SLC16A7: variants seen among roughly 807,000 people sequenced by gnomAD.
The protein encoded by SLC16A7 is solute carrier family 16 member 7.
SLC16A7 carries 33 observed loss-of-function variants against 34.9 expected under a neutral mutation model. The ratio of observed to expected loss-of-function variants is 0.94; its 90% CI spans 0.72 to 1.26. SLC16A7 has a LOEUF of 1.26. SLC16A7 is among the 50% of genes most tolerant of loss of function. The probability of loss-of-function intolerance (pLI) is 0.00; values close to 1 mark genes in which losing one functional copy is unlikely to be tolerated. For synonymous variants in SLC16A7, 201 were observed against 206.6 expected (o/e 0.97, Z 0.23); for missense variants, 573 against 578.1 (o/e 0.99, Z 0.09).
At chr12:59,697,056 A>G (rs920256098) in intron 2 of SLC16A7, among the ~76,000 whole-genome samples, 1 of 151,970 alleles carries the variant, frequency 6.6e-6, no homozygotes, top group African/African-American at 2.4e-5. Flanking sequence ...GAAACTTTTG[A>G]AAGGAATGAT....
At chr12:59,735,843 C>A in intron 3 of SLC16A7, 1 of 453,198 alleles carries the variant, frequency 2.2e-6, no homozygotes, top group African/African-American at 2.1e-5. Context: ...TGAAGATTGC[C>A]ATATATTTAA....
chr12:59,635,494 CCTTTA>C (rs1460332868), intron 1 of SLC16A7, among the ~76,000 whole-genome samples: 3 of 152,010 alleles, frequency 2.0e-5, no homozygotes, highest in Non-Finnish European at 2.9e-5. Context: ...ATTAAAATAT[CCTTTA>C]CTTTACTAAT....
At chr12:59,769,137 T>C (rs1015384727) in intron 3 of SLC16A7, 2 of 152,174 alleles carry the variant, frequency 1.3e-5, no homozygotes, top group African/African-American at 4.8e-5. Context: ...AGATGATCAT[T>C]AACATTTTTT....
At chr12:59,660,913 G>A (rs943440392) in intron 2 of SLC16A7, among the ~76,000 whole-genome samples, 56 of 152,128 alleles carry the variant, frequency 3.7e-4, no homozygotes, top group African/African-American at 1.3e-3. Flanking sequence ...CCTTTGTAGT[G>A]TTTTTAAAAC....
intron 1 of SLC16A7, among the ~76,000 whole-genome samples, chr12:59,643,283 T>C (rs1034111622): frequency 6.6e-6 from 1 of 152,170 alleles, no homozygotes. Flanking sequence ...TCCATTTGAA[T>C]TGAAAGTCTG....
intron 2 of SLC16A7, among the ~76,000 whole-genome samples, chr12:59,683,195 T>A (rs74378122): frequency 0.071 from 10,842 of 152,294 alleles, 431 homozygotes; most frequent in Middle Eastern, 0.17. Context: ...CCTGTGAGAC[T>A]GGTGTCTTCT....
At chr12:59,684,169 A>G (rs963578320) in intron 2 of SLC16A7, among the ~76,000 whole-genome samples, 6 of 152,230 alleles carry the variant, frequency 3.9e-5, no homozygotes, top group Non-Finnish European at 8.8e-5. Context: ...CTAAAAGAGG[A>G]CATTTTTCCT....
intron 1 of SLC16A7, among the ~76,000 whole-genome samples, chr12:59,623,095 T>C (rs1879770925): frequency 1.5e-5 from 2 of 137,170 alleles, no homozygotes. Context: ...TGTGTGTGTC[T>C]GTATGTGCAT....
chr12:59,611,765 A>T (rs556417767), intron 1 of SLC16A7, among the ~76,000 whole-genome samples: 16 of 152,338 alleles, frequency 1.1e-4, no homozygotes, highest in African/African-American at 3.8e-4. Flanking sequence ...GCTAAAACAG[A>T]GGGGCTCTGG....
rs776788103 is a variant in SLC16A7, at chr12:59,775,458, T to C, written c.1163T>C (p.Leu388Pro). Reference protein sequence around the residue: ...VTIVECGPVLLGPPLAGKLVD... With the variant: ...VTIVECGPVLPGPPLAGKLVD... ...ATTGTGGAGTGTGGCCCAGTTCTTC[T>C]TGGCCCTCCTCTTGCAGGTAAGAAC... The change falls in exon 5 of 6, where the codon CTT becomes CCT. Residue 388 changes from leucine to proline, a missense_variant. Coordinates refer to ENST00000547379, the MANE Select transcript of SLC16A7 (RefSeq NM_001270623.2). 22 of 1,613,390 alleles carry C rather than the reference T, an allele frequency of 1.4e-5. No individual in the cohort carries two copies. The highest frequency in any genetic ancestry group is 1.9e-5 in the Non-Finnish European group (22 of 1,179,410).
intron 3 of SLC16A7, among the ~76,000 whole-genome samples, chr12:59,752,851 G>C (rs1023632171): frequency 6.6e-6 from 1 of 152,232 alleles, no homozygotes; most frequent in African/African-American, 2.4e-5. Flanking sequence ...AGGGCAGCCA[G>C]AGAGAAAGAT....
At chr12:59,604,059 C>T (rs1878819412) in intron 1 of SLC16A7, among the ~76,000 whole-genome samples, 1 of 152,186 alleles carries the variant, frequency 6.6e-6, no homozygotes, top group Non-Finnish European at 1.5e-5. Flanking sequence ...TTCAGTTTTT[C>T]TTCCTGTTTT....
At chr12:59,632,501 G>T (rs1880227611) in intron 1 of SLC16A7, among the ~76,000 whole-genome samples, 1 of 151,886 alleles carries the variant, frequency 6.6e-6, no homozygotes, top group African/African-American at 2.4e-5. Context: ...CAATATTTAA[G>T]GAGGCATTCA....
chr12:59,684,682 G>A (rs1871014281), intron 2 of SLC16A7, among the ~76,000 whole-genome samples: 1 of 152,112 alleles, frequency 6.6e-6, no homozygotes, highest in African/African-American at 2.4e-5. Context: ...CAGTCAGGCA[G>A]GGAAATCTCT....
rs140210259 is a variant in SLC16A7 at position 59,746,645 on chromosome 12, A to T, written c.218-24574A>T. On this transcript the variant is annotated intron_variant, in intron 3 of 5. Transcript: ENST00000547379. ...CCAGTTTGGTTCAAGCTATGTTAGC[A>T]TTCCAAATAGGCTGTCCTCTCATGC... Among the ~76,000 whole-genome samples the T allele has an allele frequency of 1.2e-3, 181 of 152,348 alleles. No individual in the cohort carries two copies. In the Middle Eastern group the frequency reaches 0.017, roughly 14 times the overall value.
intron 2 of SLC16A7, among the ~76,000 whole-genome samples, chr12:59,689,726 C>G (rs536205011): frequency 1.3e-5 from 2 of 152,036 alleles, no homozygotes; most frequent in African/African-American, 4.8e-5. Context: ...AGTTAATGAT[C>G]TAATGCTTTC....
At chr12:59,602,589 T>A (rs1592378553) in intron 1 of SLC16A7, among the ~76,000 whole-genome samples, 1 of 150,016 alleles carries the variant, frequency 6.7e-6, no homozygotes, top group East Asian at 2.0e-4. Flanking sequence ...GTTCAAGTGA[T>A]TCTCCTGCCC....
intron 3 of SLC16A7, among the ~76,000 whole-genome samples, chr12:59,760,895 G>C (rs1880942316): frequency 6.6e-6 from 1 of 152,080 alleles, no homozygotes; most frequent in African/African-American, 2.4e-5. Flanking sequence ...CTTGGGTAAG[G>C]GGGACTACTG....
chr12:59,686,484 TTACTGGA>T (rs546570121), intron 2 of SLC16A7, among the ~76,000 whole-genome samples: 124 of 152,240 alleles, frequency 8.1e-4, no homozygotes, highest in African/African-American at 3.0e-3. Context: ...ATAAAGCAAG[TTACTGGA>T]TATTGAGTCA....
Sources: allele counts gnomAD v4.1 joint callset (sites outside exome capture counted in the v4.1 genomes callset), GRCh38; gene constraint gnomAD v4.1.1; transcripts MANE v1.5; gene names NCBI Gene and HGNC (gene_info 2026-07-23, HGNC 2026-07-21).